Variants in KANK1 observed in about 807,000 individuals in gnomAD.
The protein encoded by KANK1 is KN motif and ankyrin repeat domain-containing protein 1.
In KANK1, 109 loss-of-function variants were observed where a neutral mutation model predicts 106.2. The ratio of observed to expected loss-of-function variants is 1.03; its 90% CI spans 0.88 to 1.20. The LOEUF (loss-of-function observed/expected upper bound fraction) is 1.20, where lower values mean the gene tolerates loss of function less well. KANK1 is among the 50% of genes most tolerant of loss of function. KANK1 has a pLI of 0.00. For synonymous variants in KANK1, 873 were observed against 652.2 expected (o/e 1.34, Z -5.16); for missense variants, 2,399 against 1,710.7 (o/e 1.40, Z -7.10).
At chr9:600,564 CAG>C (rs1827485686) in intron 1 of KANK1, among the ~76,000 whole-genome samples, 1 of 151,716 alleles carries the variant, frequency 6.6e-6, no homozygotes, top group African/African-American at 2.4e-5. Context: ...GCTATATAAA[CAG>C]GTATTTTTAA....
intron 1 of KANK1, among the ~76,000 whole-genome samples, chr9:611,589 A>G (rs772640189): frequency 3.3e-5 from 5 of 152,212 alleles, no homozygotes; most frequent in African/African-American, 1.2e-4. Context: ...ATTAGATAGG[A>G]GTGTGTCTAA....
chr9:563,033 A>G (rs1816894999), intron 1 of KANK1, among the ~76,000 whole-genome samples: 1 of 152,194 alleles, frequency 6.6e-6, no homozygotes, highest in Non-Finnish European at 1.5e-5. Flanking sequence ...TCTCACAGCC[A>G]GATTCTGCAT....
chr9:507,207 A>G (rs2058801963), intron 1 of KANK1, among the ~76,000 whole-genome samples: 1 of 151,842 alleles, frequency 6.6e-6, no homozygotes, highest in Non-Finnish European at 1.5e-5. Context: ...ATAAAAAATA[A>G]CCGGATATGG....
chr9:660,877 A>C (rs931874283), intron 1 of KANK1, among the ~76,000 whole-genome samples: 3 of 152,344 alleles, frequency 2.0e-5, no homozygotes, highest in African/African-American at 7.2e-5. Flanking sequence ...CTGGCTTGCC[A>C]CAAAGGTCTT....
At chr9:714,336 G>C (rs1160710489) in intron 3 of KANK1, among the ~76,000 whole-genome samples, 1 of 151,236 alleles carries the variant, frequency 6.6e-6, no homozygotes, top group Non-Finnish European at 1.5e-5. Flanking sequence ...GTCAAACTTG[G>C]AGAGAAGGGA....
intron 2 of KANK1, among the ~76,000 whole-genome samples, chr9:685,854 G>A (rs535039370): frequency 1.3e-4 from 20 of 152,284 alleles, no homozygotes; most frequent in African/African-American, 4.8e-4. Context: ...CCATCCATCA[G>A]CTTTGCAAAT....
At chr9:740,455 C>T (rs1348890259) in intron 8 of KANK1, among the ~76,000 whole-genome samples, 1 of 152,178 alleles carries the variant, frequency 6.6e-6, no homozygotes, top group Non-Finnish European at 1.5e-5. Flanking sequence ...CAGCTGAGTG[C>T]CTAGATTCCA....
rs948529316 is a variant in KANK1, at chr9:710,911, G to C, written c.145G>C (p.Val49Leu). Reference sequence around the variant, plus strand: ...ACTAGACTTAGATTTCCTCAAATATGTGGATGACATACAGAAGGGAAATAC... The same window carrying C: ...ACTAGACTTAGATTTCCTCAAATATCTGGATGACATACAGAAGGGAAATAC... ...YQLDLDFLKY[V>L]DDIQKGNTIK... is the part of the protein sequence containing the mutation. Residue 49 changes from valine to leucine, a missense_variant, in exon 3 of 12, where the codon GTG (valine) becomes CTG (leucine). Physicochemically the swap from Val to Leu is conservative, Grantham distance 32. Coordinates refer to ENST00000382297, the MANE Select transcript of KANK1 (RefSeq NM_015158.5). The C allele has an allele frequency of 1.9e-6, 3 of 1,614,058 alleles. No homozygotes were observed. Among genetic ancestry groups the C allele is most frequent in the Non-Finnish European group, 2.5e-6 (3 of 1,180,026 alleles).
At chr9:691,694 G>C (rs1000742368) in intron 2 of KANK1, among the ~76,000 whole-genome samples, 10 of 140,992 alleles carry the variant, frequency 7.1e-5, no homozygotes, top group Non-Finnish European at 1.2e-4. Context: ...GCTCACTGCA[G>C]CCTCAACCTC....
At chr9:483,248 T>C (rs2058237188) in intron 3 of KANK1, among the ~76,000 whole-genome samples, 2 of 152,158 alleles carry the variant, frequency 1.3e-5, no homozygotes, top group African/African-American at 4.8e-5. Flanking sequence ...TCTTGGAACA[T>C]ACCCCCTGTG....
At chr9:732,120 AGCCGGAGAT>A in intron 5 of KANK1, 1 of 341,112 alleles carries the variant, frequency 2.9e-6, no homozygotes, top group Non-Finnish European at 5.5e-6. Flanking sequence ...ATTTATGCTA[AGCCGGAGAT>A]GCCATTATTT....
intron 3 of KANK1, among the ~76,000 whole-genome samples, chr9:485,728 G>T (rs2058280773): frequency 6.6e-6 from 1 of 152,048 alleles, no homozygotes; most frequent in Admixed American, 6.6e-5. Context: ...CAAATTAGCT[G>T]GATGTGGTGG....
intron 1 of KANK1, among the ~76,000 whole-genome samples, chr9:654,404 T>G (rs1288991161): frequency 6.6e-6 from 1 of 152,166 alleles, no homozygotes; most frequent in Non-Finnish European, 1.5e-5. Context: ...TGAATCAAAA[T>G]CTCTGGGAGA....
At chr9:699,078 C>T (rs1374214784) in intron 2 of KANK1, among the ~76,000 whole-genome samples, 1 of 152,184 alleles carries the variant, frequency 6.6e-6, no homozygotes, top group Non-Finnish European at 1.5e-5. Context: ...CCTAGAATTT[C>T]TGCCATCCCT....
intron 1 of KANK1, among the ~76,000 whole-genome samples, chr9:655,755 C>A (rs548551955): frequency 6.6e-6 from 1 of 152,158 alleles, no homozygotes; most frequent in Non-Finnish European, 1.5e-5. Context: ...TTTCAGATAC[C>A]TTAGAAACAA....
At chr9:667,075 C>G (rs1312775907) in intron 1 of KANK1, among the ~76,000 whole-genome samples, 2 of 150,944 alleles carry the variant, frequency 1.3e-5, no homozygotes, top group African/African-American at 4.9e-5. Flanking sequence ...TAATCAGATC[C>G]TCGACTTTTC....
chr9:521,821 G>T (rs2059568869), intron 1 of KANK1, among the ~76,000 whole-genome samples: 1 of 151,588 alleles, frequency 6.6e-6, no homozygotes, highest in South Asian at 2.1e-4. Context: ...ACCCACCTCA[G>T]CCTGCCAAAG....
intron 1 of KANK1, among the ~76,000 whole-genome samples, chr9:675,938 A>T (rs1816326453): frequency 6.6e-6 from 1 of 152,292 alleles, no homozygotes; most frequent in African/African-American, 2.4e-5. Flanking sequence ...TCCCCTTTTT[A>T]GACCATATAG....
At chr9:649,058 C>T (rs117258207) in intron 1 of KANK1, among the ~76,000 whole-genome samples, 1,749 of 152,174 alleles carry the variant, frequency 0.011, 24 homozygotes, top group Middle Eastern at 0.065. Flanking sequence ...TTATTGTCAG[C>T]CTTTCTTAGT....
Sources: allele counts gnomAD v4.1 joint callset (sites outside exome capture counted in the v4.1 genomes callset), GRCh38; gene constraint gnomAD v4.1.1; transcripts MANE v1.5; gene names NCBI Gene and HGNC (gene_info 2026-07-23, HGNC 2026-07-21).